DMXL1: variants seen among roughly 807,000 people sequenced by gnomAD.
The protein encoded by DMXL1 is Dmx like 1.
DMXL1 carries 99 observed loss-of-function variants against 319.2 expected under a neutral mutation model. That is an observed-to-expected ratio of 0.31 (90% CI 0.26 to 0.37). The LOEUF (loss-of-function observed/expected upper bound fraction) is 0.37, where lower values mean the gene tolerates loss of function less well. Ranked by LOEUF, DMXL1 falls within the 10% of genes least tolerant of loss-of-function variation. The pLI, the probability that DMXL1 is intolerant of heterozygous loss-of-function variation, is 1.00. For synonymous variants in DMXL1, 1,385 were observed against 1,235.2 expected, an observed-to-expected ratio of 1.12 and a Z score of -2.54; for missense variants, 3,745 against 3,595.6, an observed-to-expected ratio of 1.04 and a Z score of -1.06.
At chr5:119,174,867 C>T (rs1480747932) in intron 25 of DMXL1, among the ~76,000 whole-genome samples, 2 of 152,168 alleles carry the variant, frequency 1.3e-5, no homozygotes, top group Non-Finnish European at 2.9e-5. Flanking sequence ...TCTTCAGTGA[C>T]CTGTCCGTTG....
At chr5:119,216,441 C>T (rs1195478435) in intron 34 of DMXL1, among the ~76,000 whole-genome samples, 1 of 152,118 alleles carries the variant, frequency 6.6e-6, no homozygotes, top group East Asian at 1.9e-4. Flanking sequence ...TCTATATAGT[C>T]CATGAGCTGA....
At chr5:119,127,726 G>T in intron 9 of DMXL1, 1 of 237,538 alleles carries the variant, frequency 4.2e-6, no homozygotes, top group South Asian at 5.2e-5. Flanking sequence ...GACATGAGCT[G>T]CTGCACCCAG....
At chr5:119,227,237 T>G (rs915831068) in intron 38 of DMXL1, among the ~76,000 whole-genome samples, 29 of 148,848 alleles carry the variant, frequency 1.9e-4, no homozygotes, top group Non-Finnish European at 3.0e-4. Flanking sequence ...ATGTTTAATG[T>G]GTTTTCCCTG....
chr5:119,077,739 T>A (rs1751260411), intron 1 of DMXL1, among the ~76,000 whole-genome samples: 1 of 123,826 alleles, frequency 8.1e-6, no homozygotes, highest in Admixed American at 8.0e-5. Flanking sequence ...TGTACATATA[T>A]ACATTTATTT....
intron 34 of DMXL1, among the ~76,000 whole-genome samples, chr5:119,211,177 A>G (rs1782746978): frequency 6.6e-6 from 1 of 152,070 alleles, no homozygotes; most frequent in African/African-American, 2.4e-5. Context: ...ATAAAATTTT[A>G]AGAATTTTTA....
chr5:119,191,365 T>C (rs1385147683), intron 29 of DMXL1, among the ~76,000 whole-genome samples: 1 of 152,224 alleles, frequency 6.6e-6, no homozygotes, highest in African/African-American at 2.4e-5. Flanking sequence ...TGCTGAGCTA[T>C]GGCTTTTATT....
Position 119,247,129 on chromosome 5 carries a change from A to G in DMXL1, c.9057A>G (p.Gly3019=). 6.2e-7 allele frequency: 1 copy of G among 1,614,086 alleles called. No individual in the cohort carries two copies. Among genetic ancestry groups the G allele is most frequent in the Non-Finnish European group, 8.5e-7 (1 of 1,179,988 alleles). Residue 3019 remains glycine, a synonymous_variant, in exon 44 of 44, where the codon GGA becomes GGG. Transcript: ENST00000539542. ...TGPANHIFSC[G]ADGTMKMRIL... ...CTGCAAATCACATTTTCTCCTGTGG[A>G]GCTGATGGAACAATGAAAATGAGAA...
At position 119,095,162 on chromosome 5, in the gene DMXL1, A is replaced by G. The variant is rs113757471; in HGVS notation, c.88-2817A>G. ...GAGCCACCATGCTCAGCCAAGTTCA[A>G]TAATTTTATTTGATTTAAAATTTAC... On this transcript the variant is annotated intron_variant, in intron 1 of 43. Transcript: ENST00000539542. Among the ~76,000 whole-genome samples the G allele has an allele frequency of 6.2e-3, 944 of 152,304 alleles. 14 individuals are homozygous for G. Among genetic ancestry groups the G allele is most frequent in the African/African-American group, 0.021 (893 of 41,568 alleles).
rs138334145 is a variant in DMXL1, at chr5:119,219,178, A to T, written c.8014-1294A>T. ...AGAATGACGGGAAGAGGGCCAGATG[A>T]TACCTACCTTACCTACACACATAGT... On this transcript the variant is annotated intron_variant, in intron 35 of 43. Transcript: ENST00000539542. Among the ~76,000 whole-genome samples, 1,235 of 152,286 alleles carry T rather than the reference A, an allele frequency of 8.1e-3. 6 individuals carry two copies. Among genetic ancestry groups the T allele is most frequent in the Non-Finnish European group, 0.015 (996 of 68,014 alleles).
Position 119,202,889 on chromosome 5 carries a change from A to ATATATATATATT in DMXL1, c.7746-419_7746-418insTTATATATATAT, listed in dbSNP as rs1554139472. Among the ~76,000 whole-genome samples the ATATATATATATT allele has an allele frequency of 5.8e-4, 82 of 141,424 alleles. 1 individual carries two copies. Among genetic ancestry groups the ATATATATATATT allele is most frequent in the African/African-American group, 2.0e-3 (76 of 38,174 alleles). 92.8% of individuals were successfully genotyped at this position (141,424 alleles called of 152,430 possible). A position where few individuals can be genotyped will look rare whatever the true frequency, so the allele number is the denominator to read the frequency against. On this transcript the variant is annotated intron_variant, in intron 32 of 43. Coordinates refer to ENST00000539542, the MANE Select transcript of DMXL1 (RefSeq NM_001290321.3). ...CATATATATATATATATATTTTTAT[A>ATATATATATATT]TATATATATATATATATTTATATAT...
chr5:119,178,168 G>C lies in DMXL1; in HGVS notation c.7059G>C (p.Glu2353Asp). ...GGATTGTGGCCCATCCTCTAAATGA[G>C]AAAATGTGGTCTGCTGTGTTTGGTG... ...LFRIVAHPLN[E>D]KMWSAVFGGG... is the part of the protein sequence containing the mutation. The change falls in exon 28 of 44, where the codon GAG becomes GAC. Residue 2353 changes from glutamate to aspartate, a missense_variant. Around this residue, in one of 4 missense-constraint regions of DMXL1, gnomAD observed 1,382 missense variants for 1,269.5 expected, o/e 1.09. Coordinates refer to ENST00000539542, the MANE Select transcript of DMXL1 (RefSeq NM_001290321.3). 1 of 1,613,932 alleles carries C rather than the reference G, an allele frequency of 6.2e-7. No individual in the cohort carries two copies. The highest frequency in any genetic ancestry group is 8.5e-7 in the Non-Finnish European group (1 of 1,179,824).
At chr5:119,106,544 T>C (rs1181062038) in intron 4 of DMXL1, among the ~76,000 whole-genome samples, 1 of 152,204 alleles carries the variant, frequency 6.6e-6, no homozygotes, top group Non-Finnish European at 1.5e-5. Context: ...GACCTTACCA[T>C]GTTATAGGAG....
intron 43 of DMXL1, among the ~76,000 whole-genome samples, 161 bp downstream of exon 43, chr5:119,244,737 T>G (rs1314505940): frequency 6.6e-6 from 1 of 152,274 alleles, no homozygotes; most frequent in East Asian, 1.9e-4. Context: ...AATGGAATAT[T>G]TAACTTGAAA....
intron 21 of DMXL1, among the ~76,000 whole-genome samples, chr5:119,166,148 G>C (rs1444962907): frequency 6.6e-6 from 1 of 152,140 alleles, no homozygotes; most frequent in African/African-American, 2.4e-5. Flanking sequence ...TTTATTTCCA[G>C]ATGACCCACA....
chr5:119,103,976 A>G (rs1250572147), intron 3 of DMXL1, among the ~76,000 whole-genome samples: 1 of 152,254 alleles, frequency 6.6e-6, no homozygotes, highest in African/African-American at 2.4e-5. Flanking sequence ...AGAAAGGACA[A>G]TAAAAAACTT....
At chr5:119,151,801 T>A (rs1769858297) in intron 18 of DMXL1, 128 bp from the exon 19 acceptor site, 1 of 495,394 alleles carries the variant, frequency 2.0e-6, no homozygotes, top group African/African-American at 2.0e-5. Context: ...AAAAGATAAA[T>A]GTTAGAAAAT....
intron 29 of DMXL1, among the ~76,000 whole-genome samples, chr5:119,190,973 C>G (rs1221931015): frequency 6.6e-6 from 1 of 152,154 alleles, no homozygotes; most frequent in East Asian, 1.9e-4. Context: ...AATTGCTATT[C>G]AAACTACTCT....
chr5:119,118,218 T>TAAA (rs1387915730), intron 7 of DMXL1, among the ~76,000 whole-genome samples: 1 of 152,246 alleles, frequency 6.6e-6, no homozygotes, highest in East Asian at 1.9e-4. Flanking sequence ...TGCATTTCAC[T>TAAA]GCTTTGGGCA....
rs749193975 is a variant in DMXL1, at chr5:119,133,735, C to T, written c.1811C>T (p.Ala604Val). 1.2e-6 allele frequency: 2 copies of T among 1,614,174 alleles called. No individual in the cohort carries two copies. Among genetic ancestry groups the T allele is most frequent in the South Asian group, 2.2e-5 (2 of 91,072 alleles). The change falls in exon 12 of 44, where the codon GCT becomes GTT. Residue 604 changes from alanine to valine, a missense_variant. Transcript: ENST00000539542. The stretch of plus-strand genomic sequence containing the variant: ...AATGTTATGATGATATCAAAACATG[C>T]TGATGGTTCTCTGAATCAGTGGCTG... Reference protein sequence around the residue: ...TPNVMMISKHADGSLNQWLVS... With the variant: ...TPNVMMISKHVDGSLNQWLVS...
Sources: allele counts gnomAD v4.1 joint callset (sites outside exome capture counted in the v4.1 genomes callset), GRCh38; gene constraint gnomAD v4.1.1; regional missense constraint gnomAD v4.1.1; transcripts MANE v1.5; gene names NCBI Gene and HGNC (gene_info 2026-07-23, HGNC 2026-07-21).